The following NKAIN2 variants were observed in gnomAD, a reference collection of about 807,000 sequenced individuals.
NKAIN2 encodes the protein sodium/potassium-transporting ATPase subunit beta-1-interacting protein 2.
NKAIN2 carries 14 observed loss-of-function variants against 32.6 expected under a neutral mutation model. That is an observed-to-expected ratio of 0.43 (90% CI 0.28 to 0.67). NKAIN2 has a LOEUF of 0.67. Among genes scored for constraint, NKAIN2 ranks in the 30% least tolerant of loss-of-function variants. NKAIN2 has a pLI of 0.17. For missense variants in NKAIN2, 198 were observed against 258.3 expected, an observed-to-expected ratio of 0.77 and a Z score of 1.60; for synonymous variants, 80 against 87.2, an observed-to-expected ratio of 0.92 and a Z score of 0.46.
chr6:123,917,893 A>T (rs1203484723), intron 1 of NKAIN2, among the ~76,000 whole-genome samples: 1 of 152,158 alleles, frequency 6.6e-6, no homozygotes, highest in African/African-American at 2.4e-5. Context: ...GAGCCGCTGG[A>T]CCAGCTTACA....
chr6:124,070,642 T>C (rs1431744475), intron 1 of NKAIN2, among the ~76,000 whole-genome samples: 1 of 152,166 alleles, frequency 6.6e-6, no homozygotes. Context: ...CTCCAGTTTA[T>C]TCTGACTATC....
At chr6:123,916,841 C>CTATCTATT (rs1554223160) in intron 1 of NKAIN2, among the ~76,000 whole-genome samples, 1 of 143,488 alleles carries the variant, frequency 7.0e-6, no homozygotes, top group African/African-American at 2.6e-5. Context: ...ATCTATCTAT[C>CTATCTATT]CTACCTACCT....
At chr6:123,871,873 A>T (rs192896869) in intron 1 of NKAIN2, among the ~76,000 whole-genome samples, 15 of 152,328 alleles carry the variant, frequency 9.8e-5, no homozygotes, top group African/African-American at 3.6e-4. Context: ...ATTTCTTTGA[A>T]TATGAATCCC....
chr6:124,626,706 TG>T (rs1783362885), intron 3 of NKAIN2, among the ~76,000 whole-genome samples: 2 of 152,122 alleles, frequency 1.3e-5, no homozygotes, highest in South Asian at 4.1e-4. Context: ...ACGTTAGTGT[TG>T]GGGGTATATT....
intron 3 of NKAIN2, among the ~76,000 whole-genome samples, chr6:124,620,101 A>G (rs545865491): frequency 1.4e-5 from 2 of 145,964 alleles, no homozygotes; most frequent in African/African-American, 2.5e-5. Flanking sequence ...TGTAACTGAC[A>G]TAGAACAGAA....
At chr6:124,475,776 A>G (rs1279512890) in intron 3 of NKAIN2, among the ~76,000 whole-genome samples, 2 of 152,166 alleles carry the variant, frequency 1.3e-5, no homozygotes, top group Non-Finnish European at 2.9e-5. Context: ...ATAGAGTATG[A>G]CTGAACACAC....
At chr6:123,877,426 T>C (rs1323368977) in intron 1 of NKAIN2, among the ~76,000 whole-genome samples, 1 of 152,246 alleles carries the variant, frequency 6.6e-6, no homozygotes, top group Non-Finnish European at 1.5e-5. Flanking sequence ...ACTTATATTT[T>C]ATGACACATA....
intron 3 of NKAIN2, among the ~76,000 whole-genome samples, chr6:124,423,572 T>C (rs1774850622): frequency 6.6e-6 from 1 of 152,184 alleles, no homozygotes; most frequent in African/African-American, 2.4e-5. Context: ...CCCAAATGCA[T>C]ATGTTGAAAC....
intron 1 of NKAIN2, among the ~76,000 whole-genome samples, chr6:124,054,391 G>T (rs1272977813): frequency 6.6e-6 from 1 of 152,050 alleles, no homozygotes; most frequent in Non-Finnish European, 1.5e-5. Flanking sequence ...CATCAGGACA[G>T]CATTGAGAAT....
chr6:124,558,776 C>A (rs1780572654), intron 3 of NKAIN2, among the ~76,000 whole-genome samples: 1 of 152,244 alleles, frequency 6.6e-6, no homozygotes, highest in African/African-American at 2.4e-5. Context: ...GGTGAAACCC[C>A]ATTTCTACTA....
chr6:124,224,930 C>T (rs924106019), intron 1 of NKAIN2, among the ~76,000 whole-genome samples: 1 of 152,102 alleles, frequency 6.6e-6, no homozygotes, highest in South Asian at 2.1e-4. Context: ...TAAGCTATTT[C>T]TCTTATTATA....
At chr6:123,892,838 C>A (rs60399798) in intron 1 of NKAIN2, among the ~76,000 whole-genome samples, 12 of 151,292 alleles carry the variant, frequency 7.9e-5, no homozygotes, top group Non-Finnish European at 1.5e-4. Context: ...TATTCTTGTT[C>A]GGCACTGTCC....
chr6:124,121,641 T>A (rs906562156), intron 1 of NKAIN2, among the ~76,000 whole-genome samples: 3 of 152,114 alleles, frequency 2.0e-5, no homozygotes, highest in African/African-American at 7.2e-5. Flanking sequence ...TTGCTCACTA[T>A]TCAGATGTAG....
intron 1 of NKAIN2, among the ~76,000 whole-genome samples, chr6:123,984,851 T>C (rs970068396): frequency 3.9e-5 from 6 of 152,262 alleles, no homozygotes; most frequent in Admixed American, 6.5e-5. Context: ...ATAAATGACT[T>C]TTTATAATAA....
At chr6:123,926,310 T>A (rs2114506652) in intron 1 of NKAIN2, among the ~76,000 whole-genome samples, 1 of 152,332 alleles carries the variant, frequency 6.6e-6, no homozygotes, top group East Asian at 1.9e-4. Context: ...CAGGAAAATA[T>A]TTACAGCTGT....
At chr6:124,463,243 C>T (rs1403553056) in intron 3 of NKAIN2, among the ~76,000 whole-genome samples, 1 of 151,926 alleles carries the variant, frequency 6.6e-6, no homozygotes, top group Non-Finnish European at 1.5e-5. Context: ...TAAAATAGCC[C>T]AATGAAATAT....
rs1774695123 is a variant in NKAIN2, at chr6:124,420,431, C to T, written c.273+65084C>T. ...AGTTTTTTGTTATGTGTAGGTAGAG[C>T]CTAAAATTACTCACACTACCTGCGT... On this transcript the variant is annotated intron_variant, in intron 3 of 6. Transcript: ENST00000368417. 3.9e-5 allele frequency among the ~76,000 whole-genome samples: 6 copies of T among 152,078 alleles called. No homozygotes were observed. In the South Asian group the frequency reaches 8.3e-4, roughly 21 times the overall value.
chr6:123,831,174 C>T (rs1774363216), intron 1 of NKAIN2, among the ~76,000 whole-genome samples: 1 of 151,950 alleles, frequency 6.6e-6, no homozygotes, highest in Non-Finnish European at 1.5e-5. Flanking sequence ...TTTGCCATTA[C>T]CATGGGATAT....
At chr6:124,609,409 G>A (rs376519092) in intron 3 of NKAIN2, among the ~76,000 whole-genome samples, 48 of 142,466 alleles carry the variant, frequency 3.4e-4, no homozygotes, top group African/African-American at 1.3e-3. Context: ...GAAAGAATTC[G>A]GGATGAAGTG....
Sources: gnomAD v4.1 joint callset for allele counts (sites outside exome capture counted in the v4.1 genomes callset) on GRCh38, gnomAD v4.1.1 for gene constraint, MANE v1.5 for transcripts, NCBI Gene and HGNC (gene_info 2026-07-23, HGNC 2026-07-21) for gene names.